Variants in GALNT17 observed in about 807,000 individuals in gnomAD.
GALNT17 encodes the protein polypeptide N-acetylgalactosaminyltransferase 17.
A neutral mutation model predicts 63.7 loss-of-function variants in GALNT17; 29 were observed. The observed-to-expected ratio is 0.46, with a 90% confidence interval of 0.34 to 0.62. The LOEUF is 0.62. Among genes scored for constraint, GALNT17 ranks in the 20% least tolerant of loss-of-function variants. GALNT17 has a pLI of 0.01. For synonymous variants in GALNT17, 305 were observed against 318.3 expected (o/e 0.96, Z 0.45); for missense variants, 603 against 799.6 (o/e 0.75, Z 2.97).
chr7:71,703,340 C>G (rs991050379), intron 9 of GALNT17, among the ~76,000 whole-genome samples: 1 of 152,052 alleles, frequency 6.6e-6, no homozygotes, highest in Admixed American at 6.6e-5. Context: ...TTGCCCATGA[C>G]GGAAGGTGAA....
chr7:71,313,960 T>C (rs1337473959), intron 1 of GALNT17, among the ~76,000 whole-genome samples: 3 of 152,102 alleles, frequency 2.0e-5, no homozygotes, highest in African/African-American at 7.2e-5. Context: ...TCAGGAAAAT[T>C]CATGAGGAGC....
intron 6 of GALNT17, among the ~76,000 whole-genome samples, chr7:71,598,231 C>G (rs1255189020): frequency 1.3e-5 from 2 of 152,134 alleles, no homozygotes; most frequent in Admixed American, 1.3e-4. Context: ...CATGAGCCAC[C>G]GTGCCCGGCC....
At chr7:71,441,354 A>G (rs1369930159) in intron 5 of GALNT17, among the ~76,000 whole-genome samples, 1 of 152,194 alleles carries the variant, frequency 6.6e-6, no homozygotes, top group Non-Finnish European at 1.5e-5. Flanking sequence ...CTTCTCTTCC[A>G]ACCAATGAAC....
At chr7:71,310,067 G>A (rs1298227829) in intron 1 of GALNT17, among the ~76,000 whole-genome samples, 1 of 152,192 alleles carries the variant, frequency 6.6e-6, no homozygotes, top group Non-Finnish European at 1.5e-5. Context: ...CGCCATCTGT[G>A]TAAGACGTGA....
intron 7 of GALNT17, among the ~76,000 whole-genome samples, chr7:71,666,312 G>GTA (rs1226420340): frequency 6.7e-6 from 1 of 148,260 alleles, no homozygotes; most frequent in Non-Finnish European, 1.5e-5. Flanking sequence ...TCCTGTGTGT[G>GTA]TATATATATG....
intron 1 of GALNT17, among the ~76,000 whole-genome samples, chr7:71,155,865 C>T (rs941362641): frequency 6.6e-6 from 1 of 151,806 alleles, no homozygotes. Flanking sequence ...GGACACAATT[C>T]AATATTCCTC....
At chr7:71,243,456 G>A (rs987573131) in intron 1 of GALNT17, among the ~76,000 whole-genome samples, 2 of 152,102 alleles carry the variant, frequency 1.3e-5, no homozygotes, top group Non-Finnish European at 2.9e-5. Flanking sequence ...ATTCCGGCTT[G>A]CTTTATGATG....
chr7:71,208,304 G>C (rs952547286), intron 1 of GALNT17, among the ~76,000 whole-genome samples: 1 of 152,134 alleles, frequency 6.6e-6, no homozygotes, highest in Non-Finnish European at 1.5e-5. Flanking sequence ...CCCACAGGGA[G>C]ATTGATAAAA....
chr7:71,445,912 T>G (rs1174265848), intron 5 of GALNT17, among the ~76,000 whole-genome samples: 2 of 152,172 alleles, frequency 1.3e-5, no homozygotes, highest in East Asian at 3.8e-4. Flanking sequence ...GTATTACAAG[T>G]GTGAGCCACT....
At chr7:71,184,939 A>ACTTCCTTCCTTCCTTCCTTCCTTCCTTC (rs1164312541) in intron 1 of GALNT17, among the ~76,000 whole-genome samples, 1 of 64,124 alleles carries the variant, frequency 1.6e-5, no homozygotes, top group Non-Finnish European at 2.9e-5. Context: ...TCCCTTCCTC[A>ACTTCCTTCCTTCCTTCCTTCCTTCCTTC]CTTCCTTCCT....
chr7:71,376,689 C>T (rs75111270), intron 2 of GALNT17, among the ~76,000 whole-genome samples: 14,765 of 151,786 alleles, frequency 0.097, 924 homozygotes, highest in Middle Eastern at 0.22. Flanking sequence ...CAGTGGCCCA[C>T]GCATGTAATC....
intron 5 of GALNT17, among the ~76,000 whole-genome samples, chr7:71,550,924 A>T (rs1025682352): frequency 4.0e-5 from 6 of 151,868 alleles, no homozygotes; most frequent in African/African-American, 9.7e-5. Flanking sequence ...ATTTCCCATT[A>T]TGATGTATCT....
rs73354137 is a variant in GALNT17, at chr7:71,677,100, G to T, written c.1405-111G>T. On this transcript the variant is annotated intron_variant, in intron 8 of 10. Transcript: ENST00000333538. The stretch of plus-strand genomic sequence containing the variant: ...AGCCCTGGTCCTCACTTAGAGGCTC[G>T]TGTTGTCTTCCCATCATGAAGTTGG... 1.3e-5 allele frequency: 13 copies of T among 1,038,928 alleles called. 1 individual carries two copies. In the South Asian group the frequency reaches 1.5e-4, roughly 12 times the overall value. The allele number at this position is 1,038,928 out of a possible 1,614,324, so 64.4% of individuals were successfully genotyped here.
At chr7:71,216,591 T>C (rs76657784) in intron 1 of GALNT17, among the ~76,000 whole-genome samples, 5 of 69,020 alleles carry the variant, frequency 7.2e-5, no homozygotes, top group Non-Finnish European at 2.2e-4. Flanking sequence ...TACACACACA[T>C]ACATATCTAC....
chr7:71,352,744 C>T (rs1792212487), intron 2 of GALNT17, among the ~76,000 whole-genome samples: 1 of 151,910 alleles, frequency 6.6e-6, no homozygotes, highest in Non-Finnish European at 1.5e-5. Context: ...TGTGCCACTC[C>T]AAAATTTAGA....
chr7:71,291,290 C>CT (rs1286317310), intron 1 of GALNT17, among the ~76,000 whole-genome samples: 1 of 151,874 alleles, frequency 6.6e-6, no homozygotes, highest in African/African-American at 2.4e-5. Flanking sequence ...TTCTGTGGAT[C>CT]TGTTTTTGAT....
chr7:71,612,952 C>A lies in GALNT17; in HGVS notation c.1080+41550C>A, dbSNP rs940391292. ...TCTGAGCCAGCCAAGATACCAGGTACAAACAGAGCTTCCCCCTGGGGATTC... is the reference window on the plus strand; with the variant it reads ...TCTGAGCCAGCCAAGATACCAGGTAAAAACAGAGCTTCCCCCTGGGGATTC... On this transcript the variant is annotated intron_variant, in intron 6 of 10. Transcript: ENST00000333538. Among the ~76,000 whole-genome samples, 4 of 152,184 alleles carry A rather than the reference C, an allele frequency of 2.6e-5. No homozygotes were observed. The East Asian group carries it at 7.7e-4, about 29-fold the overall frequency.
chr7:71,424,027 G>A (rs967882811), intron 5 of GALNT17, among the ~76,000 whole-genome samples: 1 of 152,248 alleles, frequency 6.6e-6, no homozygotes, highest in Non-Finnish European at 1.5e-5. Flanking sequence ...AATTTGTACA[G>A]CAGAGAAGGT....
At chr7:71,560,597 A>G (rs1789240057) in intron 5 of GALNT17, among the ~76,000 whole-genome samples, 2 of 152,230 alleles carry the variant, frequency 1.3e-5, no homozygotes, top group Non-Finnish European at 2.9e-5. Context: ...ACAGGGAGCC[A>G]TCATGCCTTC....
Sources: allele counts gnomAD v4.1 joint callset (sites outside exome capture counted in the v4.1 genomes callset), GRCh38; gene constraint gnomAD v4.1.1; transcripts MANE v1.5; gene names NCBI Gene and HGNC (gene_info 2026-07-23, HGNC 2026-07-21).